The following EBF4 variants were observed in gnomAD, a reference collection of about 807,000 sequenced individuals.
EBF4 encodes transcription factor COE4.
Under a neutral mutation model 67.1 loss-of-function variants are expected in EBF4, and 34 were observed. The observed-to-expected ratio is 0.51, with a 90% confidence interval of 0.39 to 0.67. The LOEUF is 0.67. Ranked by LOEUF, EBF4 falls within the 30% of genes least tolerant of loss-of-function variation. The pLI is 0.00. For missense variants in EBF4, 837 were observed against 873.3 expected (o/e 0.96, Z 0.52); for synonymous variants, 387 against 377.7 (o/e 1.02, Z -0.29).
Position 2,755,155 on chromosome 20 carries a change from A to C in EBF4, c.1541-472A>C. 1 of 171,142 alleles carries C rather than the reference A, an allele frequency of 5.8e-6. No homozygotes were observed. The highest frequency in any genetic ancestry group is 5.9e-5 in the Admixed American group (1 of 16,974). The allele number at this position is 171,142 out of a possible 1,614,324, so 10.6% of individuals were successfully genotyped here. On this transcript the variant is annotated intron_variant, in intron 14 of 16. Transcript: ENST00000609451. The surrounding 1 kb of genome is among the most constrained non-coding windows in gnomAD (Gnocchi z 4.7). ...TGTGATGCTGGGCAGAGAGGCTTAT[A>C]ACAGGAGCCTGTGCGTTCCCCCAAA...
intron 6 of EBF4, among the ~76,000 whole-genome samples, chr20:2,721,246 C>CTTTTTTTTTTTTTTTTTTT (rs146844927): frequency 2.8e-5 from 3 of 108,122 alleles, no homozygotes; most frequent in Non-Finnish European, 1.9e-5. Flanking sequence ...TGATTCTCTT[C>CTTTTTTTTTTTTTTTTTTT]TTTTTTTTTT....
intron 13 of EBF4, 26 bp from the exon 14 acceptor site, chr20:2,752,331 C>T: frequency 1.7e-6 from 2 of 1,199,496 alleles, no homozygotes; most frequent in Non-Finnish European, 1.0e-6. Flanking sequence ...GGCACCGCCC[C>T]CTGACGGCCG....
At chr20:2,706,370 C>A (rs1409115045) in intron 4 of EBF4, 106 bp downstream of exon 4, 1 of 1,318,784 alleles carries the variant, frequency 7.6e-7, no homozygotes. Flanking sequence ...CTCCCTATGC[C>A]CTCCGTCCCC....
chr20:2,759,402 CCTT>C, downstream of EBF4: 1 of 240,594 alleles, frequency 4.2e-6, no homozygotes, highest in Non-Finnish European at 8.3e-6. Context: ...CGGGGAGAGG[CCTT>C]CACCCCATGC....
upstream of EBF4, chr20:2,693,570 G>C (rs1303702570): frequency 3.1e-6 from 4 of 1,293,018 alleles, no homozygotes; most frequent in Non-Finnish European, 2.9e-6. This position sits in a 1 kb window ranked among gnomAD's most constrained non-coding sequence, Gnocchi z 4.6. Context: ...CCGTCGGGTC[G>C]GGCTGAGCTA....
intron 1 of EBF4, among the ~76,000 whole-genome samples, chr20:2,694,138 T>G (rs1158207234): frequency 6.6e-6 from 1 of 152,244 alleles, no homozygotes; most frequent in Non-Finnish European, 1.5e-5. Flanking sequence ...AGCCCCTCCT[T>G]CCTGGGCAGT....
At chr20:2,706,344 T>G (rs1252630795) in intron 4 of EBF4, 80 bp downstream of exon 4, 12 of 1,497,786 alleles carry the variant, frequency 8.0e-6, no homozygotes, top group Non-Finnish European at 1.1e-5. Context: ...GTGAGCCTCC[T>G]TGTTCCTGCC....
chr20:2,723,389 C>A (rs541567729), intron 6 of EBF4, among the ~76,000 whole-genome samples: 1 of 151,940 alleles, frequency 6.6e-6, no homozygotes, highest in South Asian at 2.1e-4. Flanking sequence ...CTCGCTCTGT[C>A]GCCCAGGCTG....
At chr20:2,752,971 C>T (rs1415644780) in intron 14 of EBF4, among the ~76,000 whole-genome samples, 1 of 152,158 alleles carries the variant, frequency 6.6e-6, no homozygotes, top group Non-Finnish European at 1.5e-5. Context: ...TCGAGGGAAG[C>T]CGGCTTCCAG....
chr20:2,706,292 C>T, intron 4 of EBF4, 28 bp downstream of exon 4: 1 of 1,551,586 alleles, frequency 6.4e-7, no homozygotes, highest in Non-Finnish European at 8.7e-7. Context: ...GTGCTGAGGC[C>T]CATCTCACTC....
At chr20:2,719,743 A>G (rs1305806596) in intron 6 of EBF4, among the ~76,000 whole-genome samples, 1 of 152,226 alleles carries the variant, frequency 6.6e-6, no homozygotes, top group Admixed American at 6.5e-5. Context: ...ATTGTTTGTC[A>G]GACAACATGT....
Position 2,756,755 on chromosome 20 carries a change from G to T in EBF4, c.1738+931G>T, listed in dbSNP as rs2088250116. On this transcript the variant is annotated intron_variant, in intron 15 of 16. Coordinates refer to ENST00000609451, the Ensembl canonical transcript of EBF4. This position sits in a 1 kb window ranked among gnomAD's most constrained non-coding sequence, Gnocchi z 4.5. Reference sequence around the variant, plus strand: ...TCTGGAAGAGGTTGGGTTAGAGCACGTCCTATTGAGTATTCCCCAAGACAA... The same window carrying T: ...TCTGGAAGAGGTTGGGTTAGAGCACTTCCTATTGAGTATTCCCCAAGACAA... Among the ~76,000 whole-genome samples the T allele has an allele frequency of 6.6e-6, 1 of 152,320 alleles. No homozygotes were observed. Among genetic ancestry groups the T allele is most frequent in the Non-Finnish European group, 1.5e-5 (1 of 68,022 alleles).
Position 2,745,595 on chromosome 20 carries a change from C to T in EBF4, c.558-2954C>T, listed in dbSNP as rs1256141598. 6.6e-6 allele frequency among the ~76,000 whole-genome samples: 1 copy of T among 152,124 alleles called. No homozygotes were observed. The highest frequency in any genetic ancestry group is 1.5e-5 in the Non-Finnish European group (1 of 68,034). On this transcript the variant is annotated intron_variant, in intron 6 of 16. Coordinates refer to ENST00000609451, the Ensembl canonical transcript of EBF4. The surrounding 1 kb of genome is among the most constrained non-coding windows in gnomAD (Gnocchi z 5.2). The stretch of plus-strand genomic sequence containing the variant: ...GTGTGGACCCAAAGGACAAATGAAA[C>T]CTGTACTGTAAAGGGACAGTGGCAA...
chr20:2,719,861 CTGT>C (rs1178939756), intron 6 of EBF4, among the ~76,000 whole-genome samples: 2 of 152,122 alleles, frequency 1.3e-5, no homozygotes, highest in Non-Finnish European at 2.9e-5. Context: ...AATGTTTATT[CTGT>C]TGTTATTGCG....
intron 10 of EBF4, 134 bp downstream of exon 10, chr20:2,750,107 C>A: frequency 7.7e-7 from 1 of 1,301,172 alleles, no homozygotes; most frequent in Non-Finnish European, 1.0e-6. Flanking sequence ...CGGCCCCGGG[C>A]CCCTTTAACC....
At position 2,696,971 on chromosome 20, in the gene EBF4, G is replaced by C. The variant is rs1408044163; in HGVS notation, c.137+3189G>C. Among the ~76,000 whole-genome samples the C allele has an allele frequency of 1.3e-5, 2 of 152,176 alleles. 1 individual carries two copies. Among genetic ancestry groups the C allele is most frequent in the Non-Finnish European group, 2.9e-5 (2 of 68,022 alleles). Reference sequence around the variant, plus strand: ...CCAGGGCAGGCTCAGGCAGTCCATGGGGGATGGGGGTGATGACTGTCTGCC... The same window carrying C: ...CCAGGGCAGGCTCAGGCAGTCCATGCGGGATGGGGGTGATGACTGTCTGCC... On this transcript the variant is annotated intron_variant, in intron 1 of 16. Transcript: ENST00000609451. This position sits in a 1 kb window ranked among gnomAD's most constrained non-coding sequence, Gnocchi z 4.7.
At chr20:2,737,237 C>T (rs5026119) in intron 6 of EBF4, among the ~76,000 whole-genome samples, 28,428 of 133,888 alleles carry the variant, frequency 0.21, 3,023 homozygotes, top group East Asian at 0.41. Context: ...GTAACAGGAG[C>T]GAAACTCCGT....
intron 4 of EBF4, among the ~76,000 whole-genome samples, chr20:2,706,636 T>G (rs1421893857): frequency 2.0e-5 from 3 of 152,040 alleles, no homozygotes; most frequent in African/African-American, 7.2e-5. Flanking sequence ...GCACCAGAAG[T>G]GTCCCCCCTC....
Position 2,755,335 on chromosome 20 carries a change from T to C in EBF4, c.1541-292T>C, listed in dbSNP as rs2088224580. On this transcript the variant is annotated intron_variant, in intron 14 of 16. Coordinates refer to ENST00000609451, the Ensembl canonical transcript of EBF4. The surrounding 1 kb of genome is among the most constrained non-coding windows in gnomAD (Gnocchi z 4.7). ...TGAAGTAGTCCAGCTGTTGCTCATC[T>C]CATTTTTGGGGGGTACCTCCCACTG... 2.3e-6 allele frequency: 1 copy of C among 431,942 alleles called. No individual in the cohort carries two copies. 26.8% of individuals were successfully genotyped at this position (431,942 alleles called of 1,614,324 possible).
Sources: gnomAD v4.1 joint callset for allele counts (sites outside exome capture counted in the v4.1 genomes callset) on GRCh38, gnomAD v4.1.1 for gene constraint, Gnocchi (gnomAD v3.1) non-coding constraint, MANE v1.5 for transcripts, NCBI Gene and HGNC (gene_info 2026-07-23, HGNC 2026-07-21) for gene names.